The following TBC1D30 variants were observed in gnomAD, a reference collection of about 807,000 sequenced individuals.
TBC1D30 encodes TBC1 domain family member 30.
In TBC1D30, 31 loss-of-function variants were observed where a neutral mutation model predicts 63.2. The ratio of observed to expected loss-of-function variants is 0.49; its 90% CI spans 0.37 to 0.66. TBC1D30 has a LOEUF of 0.66. Among genes scored for constraint, TBC1D30 ranks in the 30% least tolerant of loss-of-function variants. TBC1D30 has a pLI of 0.00. For missense variants in TBC1D30, 810 were observed against 953.6 expected (o/e 0.85, Z 1.98); for synonymous variants, 307 against 361.5 (o/e 0.85, Z 1.71).
chr12:64,853,803 A>G (rs1446379270), intron 8 of TBC1D30, among the ~76,000 whole-genome samples: 2 of 152,076 alleles, frequency 1.3e-5, no homozygotes, highest in African/African-American at 4.8e-5. Flanking sequence ...GCTTCAGCTT[A>G]CCCTCCGTGG....
intron 2 of TBC1D30, among the ~76,000 whole-genome samples, chr12:64,794,755 TTCTC>T (rs1234366056): frequency 6.6e-6 from 1 of 152,178 alleles, no homozygotes; most frequent in African/African-American, 2.4e-5. Context: ...TTTTCTCTCT[TTCTC>T]GCTTTCCAAC....
Position 64,876,541 on chromosome 12 carries a change from G to A in TBC1D30, c.*753G>A. ...CGCCACTGAGCTTTTCCTGAGGTTT[G>A]TGTTCGCCTCTCAAGGAGAGCTTTG... is the stretch of plus-strand genomic sequence containing the variant. On this transcript the variant is annotated 3_prime_UTR_variant, in exon 12 of 12. Coordinates refer to ENST00000539867, the MANE Select transcript of TBC1D30 (RefSeq NM_015279.2). 1 of 311,748 alleles carries A rather than the reference G, an allele frequency of 3.2e-6. No homozygotes were observed. Among genetic ancestry groups the A allele is most frequent in the Non-Finnish European group, 6.4e-6 (1 of 156,700 alleles). 19.3% of individuals were successfully genotyped at this position (311,748 alleles called of 1,614,324 possible). A position where few individuals can be genotyped will look rare whatever the true frequency, so the allele number is the denominator to read the frequency against.
rs55633268 is a variant in TBC1D30 at position 64,835,663 on chromosome 12, C to G, written c.595-827C>G. ...AACAAAGAAAGTAGAGGTAGTGATT[C>G]AATACTATTATAACTCTGAAAATAT... On this transcript the variant is annotated intron_variant, in intron 5 of 11. Transcript: ENST00000539867. Among the ~76,000 whole-genome samples the G allele has an allele frequency of 4.6e-3, 704 of 152,186 alleles. 1 individual carries two copies. Among genetic ancestry groups the G allele is most frequent in the Non-Finnish European group, 7.6e-3 (519 of 68,018 alleles).
At chr12:64,857,918 C>G (rs1340440444) in intron 8 of TBC1D30, among the ~76,000 whole-genome samples, 1 of 152,224 alleles carries the variant, frequency 6.6e-6, no homozygotes, top group Non-Finnish European at 1.5e-5. Context: ...ACTGCACTCT[C>G]CCATCCCCAA....
upstream of TBC1D30, among the ~76,000 whole-genome samples, chr12:64,822,366 A>C (rs942509933): frequency 6.6e-6 from 1 of 152,086 alleles, no homozygotes; most frequent in African/African-American, 2.4e-5. Context: ...ATTTTTGCAG[A>C]AACAGGGTCT....
At chr12:64,847,082 C>G (rs1876451318) in intron 8 of TBC1D30, among the ~76,000 whole-genome samples, 1 of 151,742 alleles carries the variant, frequency 6.6e-6, no homozygotes, top group Non-Finnish European at 1.5e-5. Context: ...TTGGTGTGTT[C>G]AGGTTTTGGA....
At chr12:64,863,034 T>C (rs1378630683) in intron 8 of TBC1D30, among the ~76,000 whole-genome samples, 2 of 152,238 alleles carry the variant, frequency 1.3e-5, no homozygotes, top group Admixed American at 1.3e-4. Context: ...GGAAGAATTC[T>C]GCAGTGGCAG....
At chr12:64,807,155 C>T (rs1219680588) in intron 2 of TBC1D30, among the ~76,000 whole-genome samples, 3 of 152,108 alleles carry the variant, frequency 2.0e-5, no homozygotes, top group Non-Finnish European at 2.9e-5. Flanking sequence ...GGTGGTTCCT[C>T]CCATGCTGTT....
intron 7 of TBC1D30, among the ~76,000 whole-genome samples, chr12:64,841,993 C>A (rs1875917716): frequency 6.6e-6 from 1 of 152,168 alleles, no homozygotes; most frequent in Non-Finnish European, 1.5e-5. Flanking sequence ...TAGTATGTAT[C>A]AAAGTGTAGG....
chr12:64,826,410 G>A (rs1329020204), intron 1 of TBC1D30, among the ~76,000 whole-genome samples: 1 of 152,174 alleles, frequency 6.6e-6, no homozygotes, highest in East Asian at 1.9e-4. Flanking sequence ...GACATACAGG[G>A]AATCCTTGTA....
chr12:64,807,710 T>C (rs1872951825), intron 2 of TBC1D30, among the ~76,000 whole-genome samples: 1 of 152,124 alleles, frequency 6.6e-6, no homozygotes, highest in African/African-American at 2.4e-5. Context: ...ACTGGTTTTT[T>C]TACCAGTTTA....
chr12:64,791,666 C>T (rs1196648268), intron 2 of TBC1D30, among the ~76,000 whole-genome samples: 1 of 151,700 alleles, frequency 6.6e-6, no homozygotes, highest in Non-Finnish European at 1.5e-5. Context: ...TGTGTGCCAC[C>T]ACACCTGGCT....
At chr12:64,843,019 C>A (rs1368928451) in intron 7 of TBC1D30, among the ~76,000 whole-genome samples, 1 of 152,142 alleles carries the variant, frequency 6.6e-6, no homozygotes. Context: ...GCCCCCTGCC[C>A]TTTTTTGAGA....
At chr12:64,859,042 C>G (rs1024336740) in intron 8 of TBC1D30, among the ~76,000 whole-genome samples, 10 of 148,984 alleles carry the variant, frequency 6.7e-5, no homozygotes, top group South Asian at 2.1e-4. Context: ...GTGTGTGTGT[C>G]TGTGTGTCTG....
At chr12:64,794,572 G>T (rs1466861834) in intron 2 of TBC1D30, among the ~76,000 whole-genome samples, 1 of 151,928 alleles carries the variant, frequency 6.6e-6, no homozygotes, top group Non-Finnish European at 1.5e-5. Flanking sequence ...CTGAGTAGCT[G>T]GGAGGTGCAC....
upstream of TBC1D30, chr12:64,779,153 T>A (rs768245841): frequency 2.0e-5 from 3 of 152,076 alleles, no homozygotes; most frequent in Non-Finnish European, 4.4e-5. Flanking sequence ...GTTAATCACA[T>A]CTCTTCTTAG....
At chr12:64,785,856 T>C in intron 1 of TBC1D30, 1 of 1,282,122 alleles carries the variant, frequency 7.8e-7, no homozygotes, top group Non-Finnish European at 1.0e-6. Flanking sequence ...TATTAATCGT[T>C]ATTCTTATTT....
intron 5 of TBC1D30, among the ~76,000 whole-genome samples, chr12:64,833,361 TAG>T: frequency 6.6e-6 from 1 of 152,334 alleles, no homozygotes; most frequent in East Asian, 1.9e-4. Context: ...TCACCAGAAA[TAG>T]AGTGCTTATG....
At chr12:64,802,946 G>A (rs570531370) in intron 2 of TBC1D30, among the ~76,000 whole-genome samples, 353 of 152,202 alleles carry the variant, frequency 2.3e-3, no homozygotes, top group African/African-American at 7.6e-3. Flanking sequence ...GAATAGTGCC[G>A]CAATAAACAT....
Sources: allele counts gnomAD v4.1 joint callset (sites outside exome capture counted in the v4.1 genomes callset), GRCh38; gene constraint gnomAD v4.1.1; transcripts MANE v1.5; gene names NCBI Gene and HGNC (gene_info 2026-07-23, HGNC 2026-07-21).